The following HPSE2 variants were observed in gnomAD, a reference collection of about 807,000 sequenced individuals.
HPSE2 encodes inactive heparanase-2.
HPSE2 carries 38 observed loss-of-function variants against 60.5 expected under a neutral mutation model. The observed-to-expected ratio is 0.63, with a 90% CI of 0.48 to 0.82. The LOEUF (loss-of-function observed/expected upper bound fraction) is 0.82, where lower values mean the gene tolerates loss of function less well. HPSE2 is among the 40% of genes least tolerant of loss of function. The pLI, the probability that HPSE2 is intolerant of heterozygous loss-of-function variation, is 0.00. For missense variants in HPSE2, 713 were observed against 740.4 expected, an observed-to-expected ratio of 0.96 and a Z score of 0.43; for synonymous variants, 295 against 293.2, an observed-to-expected ratio of 1.01 and a Z score of -0.06.
At chr10:98,977,220 G>A (rs1956106124) in intron 3 of HPSE2, among the ~76,000 whole-genome samples, 1 of 152,196 alleles carries the variant, frequency 6.6e-6, no homozygotes, top group South Asian at 2.1e-4. Flanking sequence ...CAGGAACTGT[G>A]TTTTATGTAT....
chr10:98,543,236 T>G (rs1564954002), intron 9 of HPSE2, among the ~76,000 whole-genome samples: 1 of 151,984 alleles, frequency 6.6e-6, no homozygotes, highest in Non-Finnish European at 1.5e-5. Context: ...CTAAGCTTCA[T>G]AAGTGAAGGA....
chr10:98,778,368 G>A (rs969139049), intron 3 of HPSE2, among the ~76,000 whole-genome samples: 6 of 150,668 alleles, frequency 4.0e-5, no homozygotes, highest in South Asian at 2.1e-4. Context: ...TTTCTCTTAC[G>A]AAGCTCTAAC....
chr10:98,491,209 T>C (rs11189632), intron 9 of HPSE2, among the ~76,000 whole-genome samples: 1 of 5,996 alleles, frequency 1.7e-4, no homozygotes, highest in Non-Finnish European at 4.5e-3. Context: ...TCTGATAATC[T>C]TTTTTTTTTT....
intron 6 of HPSE2, among the ~76,000 whole-genome samples, chr10:98,682,964 T>G (rs1266987767): frequency 2.0e-5 from 3 of 152,126 alleles, no homozygotes; most frequent in African/African-American, 7.2e-5. Context: ...ACCTAGAGGA[T>G]TATGTGAAAG....
At chr10:98,477,335 C>G (rs1192152201) in intron 11 of HPSE2, among the ~76,000 whole-genome samples, 1 of 152,180 alleles carries the variant, frequency 6.6e-6, no homozygotes, top group African/African-American at 2.4e-5. Context: ...TGTGGTCACT[C>G]TTTTCTGAGA....
chr10:99,266,538 C>G, the HPSE2 span, among the ~76,000 whole-genome samples: 2 of 152,226 alleles, frequency 1.3e-5, no homozygotes, highest in Admixed American at 6.5e-5. Flanking sequence ...ACCCTGCCCC[C>G]ACGTGATGGT....
At chr10:98,604,665 G>GA (rs1309277277) in intron 9 of HPSE2, among the ~76,000 whole-genome samples, 1 of 152,166 alleles carries the variant, frequency 6.6e-6, no homozygotes, top group East Asian at 1.9e-4. Flanking sequence ...GAGCCTTGAA[G>GA]AAAAAAGCTT....
Position 98,938,180 on chromosome 10 carries a change from AC to A in HPSE2, c.611-194125del, listed in dbSNP as rs1207741929. ...AACTGGAAATTCTAAAAAGCAGAGC[AC>A]CTCTCCTCCTCCAAAGGAACGCAGT... On this transcript the variant is annotated intron_variant, in intron 3 of 11. Coordinates refer to ENST00000370552, the MANE Select transcript of HPSE2 (RefSeq NM_021828.5). Among the ~76,000 whole-genome samples, 4 of 144,586 alleles carry A rather than the reference AC, an allele frequency of 2.8e-5. 1 individual carries two copies. Among genetic ancestry groups the A allele is most frequent in the African/African-American group, 1.1e-4 (4 of 35,664 alleles). 94.9% of individuals were successfully genotyped at this position (144,586 alleles called of 152,430 possible).
intron 9 of HPSE2, among the ~76,000 whole-genome samples, chr10:98,584,223 G>A (rs1393077854): frequency 1.3e-5 from 2 of 152,164 alleles, no homozygotes; most frequent in Non-Finnish European, 2.9e-5. Flanking sequence ...TGAGCACTGA[G>A]CATAAAACAT....
At chr10:98,896,798 G>A (rs1953504446) in intron 3 of HPSE2, among the ~76,000 whole-genome samples, 1 of 152,096 alleles carries the variant, frequency 6.6e-6, no homozygotes, top group African/African-American at 2.4e-5. Context: ...ATATTAAAAG[G>A]ATAATAATGG....
intron 3 of HPSE2, among the ~76,000 whole-genome samples, chr10:98,830,823 AGGAAGG>A (rs1226840652): frequency 2.0e-5 from 3 of 152,214 alleles, no homozygotes; most frequent in African/African-American, 7.2e-5. Flanking sequence ...TCAATGGGAA[AGGAAGG>A]CCATGCATTT....
At chr10:99,284,070 C>T in the HPSE2 span, among the ~76,000 whole-genome samples, 1 of 152,102 alleles carries the variant, frequency 6.6e-6, no homozygotes, top group Non-Finnish European at 1.5e-5. Flanking sequence ...GACAAACACA[C>T]AAGTAAAGAA....
chr10:98,575,257 T>C (rs1944610708), intron 9 of HPSE2, among the ~76,000 whole-genome samples: 1 of 151,816 alleles, frequency 6.6e-6, no homozygotes, highest in Admixed American at 6.6e-5. Context: ...AGAAAGAATA[T>C]CTGCTATCTA....
At chr10:99,105,099 C>T (rs1016796989) in intron 3 of HPSE2, among the ~76,000 whole-genome samples, 1 of 150,298 alleles carries the variant, frequency 6.7e-6, no homozygotes, top group Non-Finnish European at 1.5e-5. Context: ...GTCAAAACAT[C>T]ATAGAAACAT....
chr10:98,577,541 G>C (rs981935854), intron 9 of HPSE2, among the ~76,000 whole-genome samples: 2 of 152,122 alleles, frequency 1.3e-5, no homozygotes, highest in African/African-American at 4.8e-5. Flanking sequence ...TCTCACAAAA[G>C]TCCTCATAAA....
In HPSE2 at chr10:98,770,670, A is replaced by C. The variant is rs577990260; in HGVS notation, c.611-26614T>G. 3.9e-5 allele frequency among the ~76,000 whole-genome samples: 6 copies of C among 152,126 alleles called. No individual in the cohort carries two copies. In the South Asian group the frequency reaches 1.2e-3, roughly 32 times the overall value. ...CCTCGCCTCCCCTTCCCCCAACCAC[A>C]GACATTAGACTGGTCTGAAGGCTTT... On this transcript the variant is annotated intron_variant, in intron 3 of 11. Coordinates refer to ENST00000370552, the MANE Select transcript of HPSE2 (RefSeq NM_021828.5).
In HPSE2 at chr10:98,743,958, TC is replaced by T; in HGVS notation, c.708del (p.Trp236Ter). 1 of 1,614,106 alleles carries T rather than the reference TC, an allele frequency of 6.2e-7. No individual in the cohort carries two copies. Among genetic ancestry groups the T allele is most frequent in the South Asian group, 1.1e-5 (1 of 91,084 alleles). ...NALRRNPNNS[W>X]NSSSALSLLK... is the part of the protein sequence containing the mutation. ...AACAGACTCAGGGCACTAGAACTGT[TC>T]CAGGAGTTATTGGGATTACGACGCA... On this transcript the variant is annotated frameshift_variant, in exon 4 of 12. Transcript: ENST00000370552. LOFTEE classifies it high-confidence loss of function.
intron 3 of HPSE2, among the ~76,000 whole-genome samples, chr10:99,077,596 ATG>A (rs772172632): frequency 1.3e-5 from 2 of 151,640 alleles, no homozygotes; most frequent in Non-Finnish European, 2.9e-5. Context: ...GTATGTGTAT[ATG>A]TGTGTGTATC....
At chr10:98,816,853 C>T (rs1951302022) in intron 3 of HPSE2, among the ~76,000 whole-genome samples, 1 of 152,026 alleles carries the variant, frequency 6.6e-6, no homozygotes. Context: ...TTTCCTTTGA[C>T]CTCCGTGTCA....
Sources: gnomAD v4.1 joint callset for allele counts (sites outside exome capture counted in the v4.1 genomes callset) on GRCh38, gnomAD v4.1.1 for gene constraint, MANE v1.5 for transcripts, NCBI Gene and HGNC (gene_info 2026-07-23, HGNC 2026-07-21) for gene names.